Variants in MUC4 observed in about 807,000 individuals in gnomAD.
MUC4 encodes the protein mucin 4, cell surface associated.
A neutral mutation model predicts 257.9 loss-of-function variants in MUC4; 202 were observed. That is an observed-to-expected ratio of 0.78 (90% confidence interval 0.70 to 0.88). The LOEUF (loss-of-function observed/expected upper bound fraction) is 0.88. MUC4 is among the 40% of genes least tolerant of loss of function. The probability of loss-of-function intolerance (pLI) is 0.00; values close to 1 mark genes in which losing one functional copy is unlikely to be tolerated. For synonymous variants in MUC4, 2,351 were observed against 2,757.1 expected (o/e 0.85, Z 4.62); for missense variants, 5,976 against 6,513.7 (o/e 0.92, Z 2.84).
In MUC4 at chr3:195,782,414, G is replaced by T. The variant is rs780272782; in HGVS notation, c.9166C>A (p.Pro3056Thr). ...TSSASTGHANPLHVTSPSSAS... is the reference protein window; with the variant it reads ...TSSASTGHANTLHVTSPSSAS... The stretch of plus-strand genomic sequence containing the variant: ...GAGGAAGGGCTGGTGACATGAAGAG[G>T]GTTGGCGTGACCTGTGGATGCTGAG... The change falls in exon 2 of 25, where the codon CCT (proline) becomes ACT (threonine). Residue 3056 changes from proline to threonine, a missense_variant. Physicochemically the swap from Pro to Thr is conservative, Grantham distance 38. This residue lies in a region of MUC4 where 52 missense variants were observed against 102.2 expected (regional missense o/e 0.51). Transcript: ENST00000463781. The T allele has an allele frequency of 1.4e-6, 2 of 1,394,446 alleles. No individual in the cohort carries two copies. Among genetic ancestry groups the T allele is most frequent in the African/African-American group, 1.7e-5 (1 of 59,038 alleles). 86.4% of individuals were successfully genotyped at this position (1,394,446 alleles called of 1,614,324 possible).
Position 195,791,041 on chromosome 3 carries a change from C to T in MUC4, c.539G>A (p.Arg180Gln), listed in dbSNP as rs754973237. Residue 180 changes from arginine (R) to glutamine (Q), a missense_variant, in exon 2 of 25, where the codon CGA becomes CAA. Arg to Gln is a conservative substitution (Grantham distance 43). Transcript: ENST00000463781. ...SITAGQEGQS[R>Q]TTSWRTSIQD... ...GATAGAGGTCCTCCAGGAAGTTGTT[C>T]GTGATTGTCCTTCCTGTCCAGCTGT... The T allele has an allele frequency of 1.1e-5, 18 of 1,613,222 alleles. 1 individual carries two copies. The highest frequency in any genetic ancestry group is 5.5e-5 in the South Asian group (5 of 91,056).
At chr3:195,762,349 C>G in intron 13 of MUC4, 95 bp from the exon 14 acceptor site, 3 of 1,341,868 alleles carry the variant, frequency 2.2e-6, no homozygotes, top group Non-Finnish European at 3.0e-6. Flanking sequence ...CCCCACCCCG[C>G]CCCTGGGGCT....
In MUC4 at chr3:195,781,180, G is replaced by C; in HGVS notation, c.10400C>G (p.Thr3467Arg). 1.2e-5 allele frequency: 18 copies of C among 1,493,138 alleles called. No individual in the cohort carries two copies. The highest frequency in any genetic ancestry group is 1.5e-5 in the Non-Finnish European group (17 of 1,114,900). The allele number at this position is 1,493,138 out of a possible 1,614,324, so 92.5% of individuals were successfully genotyped here. Residue 3467 changes from threonine (T) to arginine (R), a missense_variant, in exon 2 of 25, where the codon ACA becomes AGA. By Grantham distance (71) the Thr-to-Arg change is moderately conservative. This residue lies in a region of MUC4 where 297 missense variants were observed against 240.9 expected (regional missense o/e 1.23). Coordinates refer to ENST00000463781, the MANE Select transcript of MUC4 (RefSeq NM_018406.7). ...GACAGGAAGAGGGGTGGTGTCACCT[G>C]TGGATGCTGAGGAAGTGTCGGTGAC... ...LPVTDTSSAS[T>R]GDTTPLPVTS...
chr3:195,747,421 G>T, intron 24 of MUC4, 41 bp from the exon 25 acceptor site: 1 of 1,593,206 alleles, frequency 6.3e-7, no homozygotes, highest in East Asian at 2.2e-5. Flanking sequence ...AGAGGCGGGA[G>T]CTCAGCCTCC....
At position 195,784,687 on chromosome 3, in the gene MUC4, G is replaced by A. The variant is rs577668402; in HGVS notation, c.6893C>T (p.Ser2298Phe). 6.9e-7 allele frequency: 1 copy of A among 1,450,484 alleles called. No homozygotes were observed. The highest frequency in any genetic ancestry group is 1.9e-5 in the African/African-American group (1 of 52,654). The allele number at this position is 1,450,484 out of a possible 1,614,324, so 89.9% of individuals were successfully genotyped here. The change falls in exon 2 of 25, where the codon TCC becomes TTC. Residue 2298 changes from serine (S) to phenylalanine (F), a missense_variant. Ser to Phe is a radical substitution (Grantham distance 155, BLOSUM62 -2). Around this residue, in one of 44 missense-constraint regions of MUC4, gnomAD observed 62 missense variants for 74.0 expected, o/e 0.84. Coordinates refer to ENST00000463781, the MANE Select transcript of MUC4 (RefSeq NM_018406.7). ...ATGAAGAGGGGTGGCGTGACCTGTG[G>A]ATGCTGAGGAAGGGCTAGTGACAGG... Reference protein sequence around the residue: ...PLPVTSPSSASTGHATPLHVT... With the variant: ...PLPVTSPSSAFTGHATPLHVT...
chr3:195,770,401 C>T (rs761890257), intron 5 of MUC4, 30 bp from the exon 6 acceptor site: 2 of 1,612,354 alleles, frequency 1.2e-6, no homozygotes, highest in South Asian at 2.2e-5. Flanking sequence ...GAAAACAAGC[C>T]AACGAGGGTC....
rs2148919937 is a variant in MUC4 at position 195,779,969 on chromosome 3, T to C, written c.11611A>G (p.Thr3871Ala). ...SPSSASTGHA[T>A]PLPVTGLSSA... ...GAAAGGCCGGTAACAGGAAGAGGGGTGGCGTGACCTGTGGATGCTGAGGAA... is the reference window on the plus strand; with the variant it reads ...GAAAGGCCGGTAACAGGAAGAGGGGCGGCGTGACCTGTGGATGCTGAGGAA... Residue 3871 changes from threonine (T) to alanine (A), a missense_variant, in exon 2 of 25, where the codon ACC becomes GCC. Coordinates refer to ENST00000463781, the MANE Select transcript of MUC4 (RefSeq NM_018406.7). 3 of 1,443,800 alleles carry C rather than the reference T, an allele frequency of 2.1e-6. No homozygotes were observed. The South Asian group carries it at 3.8e-5, about 18-fold the overall frequency. The allele number at this position is 1,443,800 out of a possible 1,614,324, so 89.4% of individuals were successfully genotyped here. A position where few individuals can be genotyped will look rare whatever the true frequency, so the allele number is the denominator to read the frequency against.
In MUC4 at chr3:195,786,395, G is replaced by A. The variant is rs1578379903; in HGVS notation, c.5185C>T (p.Leu1729Phe). 4 of 1,533,414 alleles carry A rather than the reference G, an allele frequency of 2.6e-6. 1 individual carries two copies. Among genetic ancestry groups the A allele is most frequent in the Middle Eastern group, 4.4e-4 (2 of 4,538 alleles). The allele number at this position is 1,533,414 out of a possible 1,614,324, so 95.0% of individuals were successfully genotyped here. The change falls in exon 2 of 25, where the codon CTT becomes TTT. Residue 1729 changes from leucine to phenylalanine, a missense_variant. Leu to Phe is a conservative substitution (Grantham distance 22, BLOSUM62 0). This residue lies in a region of MUC4 where 138 missense variants were observed against 107.8 expected (regional missense o/e 1.28). Transcript: ENST00000463781. ...SSVSTGDTTP[L>F]PVTSPSSAST... ...GCTGAGGAAGGGCTAGTGACAGGAA[G>A]AGGCGTGGTGTCACCTGTGGATACT...
At chr3:195,751,154 G>T (rs746774008) in intron 22 of MUC4, 42 bp from the exon 23 acceptor site, 1 of 1,501,718 alleles carries the variant, frequency 6.7e-7, no homozygotes, top group South Asian at 1.2e-5. Context: ...GGGGGCTGGG[G>T]GTGGGGGATG....
chr3:195,775,336 C>G lies in MUC4; in HGVS notation c.12944-1031G>C, dbSNP rs994532838. 1.6e-4 allele frequency among the ~76,000 whole-genome samples: 25 copies of G among 151,936 alleles called. 1 individual carries two copies. The highest frequency in any genetic ancestry group is 2.6e-4 in the Admixed American group (4 of 15,260). On this transcript the variant is annotated intron_variant, in intron 3 of 24. Transcript: ENST00000463781. ...CCCCAAATGCTTCGGGGATCCACCC[C>G]CATGCAGCACCGGGACGACTTTCTG...
chr3:195,777,944 C>A (rs192673973), intron 3 of MUC4, among the ~76,000 whole-genome samples: 16 of 150,082 alleles, frequency 1.1e-4, no homozygotes, highest in African/African-American at 4.0e-4. Flanking sequence ...ACCTTCCACA[C>A]CTTTGTTCCA....
chr3:195,751,140 G>C, intron 22 of MUC4, 28 bp from the exon 23 acceptor site: 2 of 1,525,048 alleles, frequency 1.3e-6, no homozygotes, highest in Non-Finnish European at 1.8e-6. Context: ...GGTGAGGGGG[G>C]GTGGGGGGCT....
chr3:195,780,375 G>A lies in MUC4; in HGVS notation c.11205C>T (p.Ser3735=), dbSNP rs1262886949. Residue 3735 remains serine, a synonymous_variant, in exon 2 of 25, where the codon TCC becomes TCT. Coordinates refer to ENST00000463781, the MANE Select transcript of MUC4 (RefSeq NM_018406.7). ...HVTPLHVTSP[S]SASTGHVTPL... ...GGGTGACGTGACCTGTGGATGCTGAGGAAGGGCTGGTGACATGAAGAGGGG... is the reference window on the plus strand; with the variant it reads ...GGGTGACGTGACCTGTGGATGCTGAAGAAGGGCTGGTGACATGAAGAGGGG... The A allele has an allele frequency of 1.4e-6, 2 of 1,420,932 alleles. No homozygotes were observed. The highest frequency in any genetic ancestry group is 1.9e-6 in the Non-Finnish European group (2 of 1,049,854). 88.0% of individuals were successfully genotyped at this position (1,420,932 alleles called of 1,614,324 possible).
chr3:195,778,771 C>G lies in MUC4; in HGVS notation c.12790+19G>C. ...AGGGGCCCACTGGGAGACATAAAGG[C>G]GAGGCAGTTGGCAGCTACCTGGTGT... On this transcript the variant is annotated intron_variant, in intron 2 of 24. Transcript: ENST00000463781. The G allele has an allele frequency of 1.3e-6, 2 of 1,594,560 alleles. No homozygotes were observed. The highest frequency in any genetic ancestry group is 1.7e-6 in the Non-Finnish European group (2 of 1,168,774).
chr3:195,794,088 A>AATAAT (rs1560408849), intron 1 of MUC4, among the ~76,000 whole-genome samples: 70 of 77,044 alleles, frequency 9.1e-4, no homozygotes, highest in Middle Eastern at 7.2e-3. Context: ...TAAAAAATAA[A>AATAAT]AATAATAATA....
chr3:195,793,990 C>T (rs1032850215), intron 1 of MUC4, among the ~76,000 whole-genome samples: 1 of 151,716 alleles, frequency 6.6e-6, no homozygotes, highest in Non-Finnish European at 1.5e-5. Flanking sequence ...TGTCTGTAAT[C>T]CCAGCATTTT....
intron 1 of MUC4, among the ~76,000 whole-genome samples, chr3:195,798,703 CA>C (rs1328954235): frequency 3.4e-5 from 5 of 146,616 alleles, no homozygotes; most frequent in Non-Finnish European, 4.5e-5. Context: ...GACTCCGTCT[CA>C]AAAAAAAAAT....
At chr3:195,762,529 C>T (rs1427376685) in intron 13 of MUC4, among the ~76,000 whole-genome samples, 4 of 151,412 alleles carry the variant, frequency 2.6e-5, no homozygotes, top group East Asian at 3.9e-4. Flanking sequence ...CCGCCACGCA[C>T]CGGGCCCTGC....
At position 195,790,860 on chromosome 3, in the gene MUC4, A is replaced by C. The variant is rs1733770163; in HGVS notation, c.720T>G (p.Ser240=). 1 of 1,613,768 alleles carries C rather than the reference A, an allele frequency of 6.2e-7. No individual in the cohort carries two copies. The highest frequency in any genetic ancestry group is 8.5e-7 in the Non-Finnish European group (1 of 1,179,882). The change falls in exon 2 of 25, where the codon TCT becomes TCG. Residue 240 remains serine (S), a synonymous_variant. Transcript: ENST00000463781. Reference sequence around the variant, plus strand: ...ATGAGGTAGCTGTTTCACCTGAAGGAGATGTCTTCTGAGAAACAGTCCCTG... The same window carrying C: ...ATGAGGTAGCTGTTTCACCTGAAGGCGATGTCTTCTGAGAAACAGTCCCTG... ...NVTGTVSQKT[S]PSGETATSSL...
Sources: allele counts gnomAD v4.1 joint callset (sites outside exome capture counted in the v4.1 genomes callset), GRCh38; gene constraint gnomAD v4.1.1; regional missense constraint gnomAD v4.1.1; transcripts MANE v1.5; gene names NCBI Gene and HGNC (gene_info 2026-07-23, HGNC 2026-07-21).